RTKN2: variants seen among roughly 807,000 people sequenced by gnomAD.
RTKN2 encodes rhotekin 2.
Under a neutral mutation model 71.5 loss-of-function variants are expected in RTKN2, and 69 were observed. The ratio of observed to expected loss-of-function variants is 0.96; its 90% CI spans 0.79 to 1.18. The LOEUF (loss-of-function observed/expected upper bound fraction) is 1.18. RTKN2 is among the 50% of genes most tolerant of loss of function. RTKN2 has a pLI of 0.00. For synonymous variants in RTKN2, 236 were observed against 236.5 expected, an observed-to-expected ratio of 1.00 and a Z score of 0.02; for missense variants, 724 against 719.7, an observed-to-expected ratio of 1.01 and a Z score of -0.07.
chr10:62,214,596 C>G (rs1841728662), intron 9 of RTKN2, among the ~76,000 whole-genome samples: 1 of 152,088 alleles, frequency 6.6e-6, no homozygotes, highest in Non-Finnish European at 1.5e-5. Flanking sequence ...GGAATTAGAT[C>G]CTTGTCATCA....
rs1003288334 is a variant in RTKN2 at position 62,195,925 on chromosome 10, A to G, written c.*1983T>C. 1 of 985,240 alleles carries G rather than the reference A, an allele frequency of 1.0e-6. No homozygotes were observed. Among genetic ancestry groups the G allele is most frequent in the Middle Eastern group, 5.2e-4 (1 of 1,916 alleles). 61.0% of individuals were successfully genotyped at this position (985,240 alleles called of 1,614,324 possible). On this transcript the variant is annotated 3_prime_UTR_variant, in exon 12 of 12. Coordinates refer to ENST00000373789, the MANE Select transcript of RTKN2 (RefSeq NM_145307.4). Reference sequence around the variant, plus strand: ...ACAACTGCTAGGTAATTTCTGTATGAATACTTTCTTTTTCTTATACACCTT... The same window carrying G: ...ACAACTGCTAGGTAATTTCTGTATGGATACTTTCTTTTTCTTATACACCTT...
chr10:62,193,376 T>C lies in RTKN2; in HGVS notation c.*4532A>G. 4.1e-6 allele frequency: 4 copies of C among 981,888 alleles called. No individual in the cohort carries two copies. The highest frequency in any genetic ancestry group is 4.8e-6 in the Non-Finnish European group (4 of 826,672). 60.8% of individuals were successfully genotyped at this position (981,888 alleles called of 1,614,324 possible). A position where few individuals can be genotyped will look rare whatever the true frequency, so the allele number is the denominator to read the frequency against. ...TAAGATCTGGAATGATCTTTTCTAATTATTAAACGTGTCAGCATTAGTATT... is the reference window on the plus strand; with the variant it reads ...TAAGATCTGGAATGATCTTTTCTAACTATTAAACGTGTCAGCATTAGTATT... On this transcript the variant is annotated 3_prime_UTR_variant, in exon 12 of 12. Transcript: ENST00000373789.
At position 62,195,911 on chromosome 10, in the gene RTKN2, G is replaced by T. The variant is rs1841321695; in HGVS notation, c.*1997C>A. 2 of 984,964 alleles carry T rather than the reference G, an allele frequency of 2.0e-6. No homozygotes were observed. The highest frequency in any genetic ancestry group is 2.4e-6 in the Non-Finnish European group (2 of 829,720). 61.0% of individuals were successfully genotyped at this position (984,964 alleles called of 1,614,324 possible). A position where few individuals can be genotyped will look rare whatever the true frequency, so the allele number is the denominator to read the frequency against. The stretch of plus-strand genomic sequence containing the variant: ...TCTACTCTGAGGGCACAACTGCTAG[G>T]TAATTTCTGTATGAATACTTTCTTT... On this transcript the variant is annotated 3_prime_UTR_variant, in exon 12 of 12. Coordinates refer to ENST00000373789, the MANE Select transcript of RTKN2 (RefSeq NM_145307.4).
At chr10:62,201,273 T>C (rs189714164) in intron 10 of RTKN2, among the ~76,000 whole-genome samples, 1 of 152,284 alleles carries the variant, frequency 6.6e-6, no homozygotes. Flanking sequence ...TGTAGTTGAA[T>C]ATACTCTCAT....
At chr10:62,258,706 CAAT>C (rs1188302250) in intron 2 of RTKN2, among the ~76,000 whole-genome samples, 1 of 151,778 alleles carries the variant, frequency 6.6e-6, no homozygotes, top group African/African-American at 2.4e-5. Flanking sequence ...TTAAGAGAAA[CAAT>C]GTTTTTATAT....
At position 62,193,582 on chromosome 10, in the gene RTKN2, G is replaced by A. The variant is rs762593296; in HGVS notation, c.*4326C>T. The A allele has an allele frequency of 1.4e-5, 14 of 984,602 alleles. No homozygotes were observed. The highest frequency in any genetic ancestry group is 6.2e-5 in the Admixed American group (1 of 16,248). 61.0% of individuals were successfully genotyped at this position (984,602 alleles called of 1,614,324 possible). A position where few individuals can be genotyped will look rare whatever the true frequency, so the allele number is the denominator to read the frequency against. ...ACTACAGATTTAGAAATAAAATGCTGAAATAATCCAACTGAGCCAGGATTG... is the reference window on the plus strand; with the variant it reads ...ACTACAGATTTAGAAATAAAATGCTAAAATAATCCAACTGAGCCAGGATTG... On this transcript the variant is annotated 3_prime_UTR_variant, in exon 12 of 12. Coordinates refer to ENST00000373789, the MANE Select transcript of RTKN2 (RefSeq NM_145307.4).
At chr10:62,255,194 G>A (rs886824003) in intron 2 of RTKN2, among the ~76,000 whole-genome samples, 6 of 152,072 alleles carry the variant, frequency 3.9e-5, no homozygotes, top group African/African-American at 1.4e-4. Context: ...TATTGGTACT[G>A]TAATCAAAAA....
chr10:62,258,820 T>A (rs762900956), intron 2 of RTKN2, among the ~76,000 whole-genome samples: 3 of 152,108 alleles, frequency 2.0e-5, no homozygotes, highest in Non-Finnish European at 1.5e-5. Context: ...CCATGGCAGC[T>A]TGGAGCAATA....
At chr10:62,265,466 C>T (rs914979139) in intron 1 of RTKN2, among the ~76,000 whole-genome samples, 5 of 152,122 alleles carry the variant, frequency 3.3e-5, no homozygotes, top group Admixed American at 2.6e-4. Context: ...TTACCTCCCT[C>T]GCTGAGGCAG....
intron 6 of RTKN2, among the ~76,000 whole-genome samples, chr10:62,226,829 C>T (rs1189317192): frequency 6.6e-6 from 1 of 152,158 alleles, no homozygotes; most frequent in Non-Finnish European, 1.5e-5. Flanking sequence ...GGCATGGTGG[C>T]TCACGCCTAT....
downstream of RTKN2, among the ~76,000 whole-genome samples, chr10:62,188,816 T>C (rs1026115503): frequency 2.0e-5 from 3 of 151,920 alleles, no homozygotes; most frequent in Non-Finnish European, 4.4e-5. Flanking sequence ...GACGCGATCT[T>C]GGCTCACTGC....
chr10:62,242,988 T>C lies in RTKN2; in HGVS notation c.317-1793A>G, dbSNP rs982966598. The stretch of plus-strand genomic sequence containing the variant: ...TATCTATTTATTTACTTTTTAAATT[T>C]TATTATTATTATACTTTAAGTTTTA... On this transcript the variant is annotated intron_variant, in intron 3 of 11. Transcript: ENST00000373789. Among the ~76,000 whole-genome samples the C allele has an allele frequency of 3.3e-4, 50 of 152,226 alleles. 1 individual carries two copies. The highest frequency in any genetic ancestry group is 7.4e-5 in the Non-Finnish European group (5 of 68,002).
At chr10:62,267,433 C>T (rs1410769287) in intron 1 of RTKN2, among the ~76,000 whole-genome samples, 1 of 152,040 alleles carries the variant, frequency 6.6e-6, no homozygotes, top group Non-Finnish European at 1.5e-5. Flanking sequence ...CACTATAAAT[C>T]AAGATTTTGT....
At chr10:62,264,218 C>A (rs1276726945) in intron 1 of RTKN2, among the ~76,000 whole-genome samples, 5 of 151,902 alleles carry the variant, frequency 3.3e-5, no homozygotes, top group African/African-American at 1.2e-4. Context: ...TGAAGACTAC[C>A]CCAAAAGACA....
chr10:62,217,213 A>G lies in RTKN2; in HGVS notation c.925T>C (p.Tyr309His), dbSNP rs201020499. 19 of 1,598,234 alleles carry G rather than the reference A, an allele frequency of 1.2e-5. No individual in the cohort carries two copies. In the African/African-American group the frequency reaches 1.9e-4, roughly 16 times the overall value. Residue 309 changes from tyrosine (Y) to histidine (H), a missense_variant, in exon 9 of 12, where the codon TAT becomes CAT. By Grantham distance (83) the Tyr-to-His change is moderately conservative. Transcript: ENST00000373789. ...VEGLISWRRLYCVLRGGKLYC... is the reference protein window; with the variant it reads ...VEGLISWRRLHCVLRGGKLYC... ...AGTTTACCTCCTCGCAAAACACAATACAACCTTCTCCAACTAATCAGACCT... is the reference window on the plus strand; with the variant it reads ...AGTTTACCTCCTCGCAAAACACAATGCAACCTTCTCCAACTAATCAGACCT...
At chr10:62,190,617 C>T (rs1222945034), downstream of RTKN2, among the ~76,000 whole-genome samples, 1 of 152,048 alleles carries the variant, frequency 6.6e-6, no homozygotes, top group African/African-American at 2.4e-5. Context: ...GTTAACTAGC[C>T]ATGTTGTCTA....
intron 10 of RTKN2, among the ~76,000 whole-genome samples, chr10:62,201,228 C>T (rs868467461): frequency 1.4e-4 from 21 of 152,162 alleles, no homozygotes; most frequent in Middle Eastern, 3.4e-3. Flanking sequence ...ACTAAGGACA[C>T]TTCATGTTTA....
In RTKN2 at chr10:62,223,326, T is replaced by C; in HGVS notation, c.693A>G (p.Val231=). The change falls in exon 7 of 12, where the codon GTA becomes GTG. Residue 231 remains valine, a synonymous_variant. Coordinates refer to ENST00000373789, the MANE Select transcript of RTKN2 (RefSeq NM_145307.4). The part of the protein sequence containing the change: ...CLLLSSAVFG[V]KYNLLAHTTL... Reference sequence around the variant, plus strand: ...TAGTGTGAGCTAGCAAATTATACTTTACACCACTAATAGTAAGAAAGAAGA... The same window carrying C: ...TAGTGTGAGCTAGCAAATTATACTTCACACCACTAATAGTAAGAAAGAAGA... 1 of 1,585,936 alleles carries C rather than the reference T, an allele frequency of 6.3e-7. No individual in the cohort carries two copies. The highest frequency in any genetic ancestry group is 1.1e-5 in the South Asian group (1 of 90,388).
At chr10:62,210,800 A>T (rs1841643998) in intron 9 of RTKN2, among the ~76,000 whole-genome samples, 1 of 152,072 alleles carries the variant, frequency 6.6e-6, no homozygotes, top group African/African-American at 2.4e-5. Flanking sequence ...AATCAGATGT[A>T]AACTCCTACA....
Sources: allele counts gnomAD v4.1 joint callset (sites outside exome capture counted in the v4.1 genomes callset), GRCh38; gene constraint gnomAD v4.1.1; transcripts MANE v1.5; gene names NCBI Gene and HGNC (gene_info 2026-07-23, HGNC 2026-07-21).